RAB6A: variants seen among roughly 807,000 people sequenced by gnomAD.
The protein encoded by RAB6A is RAB6A, member RAS oncogene family, also known as ras-related protein Rab-6A.
Under a neutral mutation model 32.3 loss-of-function variants are expected in RAB6A, and 8 were observed. The ratio of observed to expected loss-of-function variants is 0.25; its 90% CI spans 0.15 to 0.45. The LOEUF (loss-of-function observed/expected upper bound fraction) is 0.45. RAB6A is among the 20% of genes least tolerant of loss of function. RAB6A has a pLI of 1.00. For missense variants in RAB6A, 104 were observed against 249.4 expected, an observed-to-expected ratio of 0.42 and a Z score of 3.93; for synonymous variants, 73 against 82.1, an observed-to-expected ratio of 0.89 and a Z score of 0.60.
intron 5 of RAB6A, among the ~76,000 whole-genome samples, chr11:73,712,890 A>G (rs185507373): frequency 1.4e-5 from 2 of 146,872 alleles, no homozygotes; most frequent in Admixed American, 6.8e-5. Context: ...GCTAATTTTT[A>G]TATTTTTAGT....
At chr11:73,746,230 G>T (rs1004569583) in intron 1 of RAB6A, among the ~76,000 whole-genome samples, 2 of 151,948 alleles carry the variant, frequency 1.3e-5, no homozygotes, top group Non-Finnish European at 2.9e-5. Flanking sequence ...CTAATTTATA[G>T]TAAGAAATAA....
At chr11:73,681,958 T>G (rs1326721984) in intron 6 of RAB6A, among the ~76,000 whole-genome samples, 3 of 152,182 alleles carry the variant, frequency 2.0e-5, no homozygotes, top group Non-Finnish European at 4.4e-5. Flanking sequence ...TTTTTAGAGA[T>G]GTACCAAAAT....
At chr11:73,687,126 A>T (rs1015234031) in intron 6 of RAB6A, among the ~76,000 whole-genome samples, 3 of 152,166 alleles carry the variant, frequency 2.0e-5, no homozygotes, top group Non-Finnish European at 4.4e-5. Flanking sequence ...AGTCACACAC[A>T]AAGGAACAAA....
At chr11:73,738,687 G>A (rs984687948) in intron 1 of RAB6A, among the ~76,000 whole-genome samples, 1 of 151,888 alleles carries the variant, frequency 6.6e-6, no homozygotes. Flanking sequence ...ATTGAGGCCA[G>A]GAGCGGTCGC....
At chr11:73,732,825 T>TC (rs1259276334) in intron 1 of RAB6A, among the ~76,000 whole-genome samples, 1 of 151,172 alleles carries the variant, frequency 6.6e-6, no homozygotes, top group Admixed American at 6.6e-5. Context: ...TTCTTTTTTT[T>TC]CCCCCGAGAC....
Position 73,679,710 on chromosome 11 carries a change from C to T in RAB6A, c.506G>A (p.Arg169His), listed in dbSNP as rs748239779. 1.1e-5 allele frequency: 17 copies of T among 1,598,056 alleles called. No individual in the cohort carries two copies. Among genetic ancestry groups the T allele is most frequent in the Non-Finnish European group, 1.4e-5 (16 of 1,172,492 alleles). Residue 169 changes from arginine (R) to histidine (H), a missense_variant, in exon 7 of 8, where the codon CGT (arginine) becomes CAT (histidine). By Grantham distance (29) the Arg-to-His change is conservative. Transcript: ENST00000336083. ...CATTCCCGGCAAAGCTGCTGCTACACGTCGAAAGAGCTGTGGGAAAGAGAG... is the reference window on the plus strand; with the variant it reads ...CATTCCCGGCAAAGCTGCTGCTACATGTCGAAAGAGCTGTGGGAAAGAGAG... ...AGYNVKQLFR[R>H]VAAALPGMES... is the part of the protein sequence containing the mutation.
At chr11:73,716,596 T>C (rs1289619044) in intron 4 of RAB6A, among the ~76,000 whole-genome samples, 5 of 152,186 alleles carry the variant, frequency 3.3e-5, no homozygotes, top group Admixed American at 2.6e-4. Flanking sequence ...TAAAAATTTT[T>C]TGAACATGAT....
chr11:73,698,884 C>T (rs1268095062), intron 6 of RAB6A, among the ~76,000 whole-genome samples: 2 of 123,546 alleles, frequency 1.6e-5, no homozygotes, highest in East Asian at 4.9e-4. Context: ...TGGAGTCTTG[C>T]TCTGTCGCCC....
chr11:73,702,311 C>A (rs1945758251), intron 6 of RAB6A, among the ~76,000 whole-genome samples: 1 of 152,120 alleles, frequency 6.6e-6, no homozygotes, highest in African/African-American at 2.4e-5. Context: ...CAGGTGCATG[C>A]CACCATGCTC....
intron 7 of RAB6A, 149 bp downstream of exon 7, chr11:73,679,505 T>C (rs1945319742): frequency 1.9e-5 from 18 of 950,510 alleles, no homozygotes; most frequent in African/African-American, 1.7e-5. Context: ...CAGACCTCAT[T>C]TGCTATAGAA....
intron 1 of RAB6A, among the ~76,000 whole-genome samples, chr11:73,759,370 C>T (rs994048270): frequency 6.6e-6 from 1 of 151,690 alleles, no homozygotes; most frequent in African/African-American, 2.4e-5. Context: ...TAGATACAAC[C>T]ATCACAAAAT....
At chr11:73,685,016 A>G (rs12420357) in intron 6 of RAB6A, among the ~76,000 whole-genome samples, 73,436 of 152,076 alleles carry the variant, frequency 0.48, 19,103 homozygotes, top group East Asian at 0.6. Flanking sequence ...TACAAATCAC[A>G]TAGTGAAATT....
chr11:73,730,836 G>GA lies in RAB6A; in HGVS notation c.71-14dup, dbSNP rs746901475. 3 of 1,588,484 alleles carry GA rather than the reference G, an allele frequency of 1.9e-6. No individual in the cohort carries two copies. The highest frequency in any genetic ancestry group is 2.6e-6 in the Non-Finnish European group (3 of 1,172,242). ...GATGTCTTTCCAACTGAAATGAAACGAAAAAAAGATTTGCTCAGTGAACAC... is the reference window on the plus strand; with the variant it reads ...GATGTCTTTCCAACTGAAATGAAACGAAAAAAAAGATTTGCTCAGTGAACAC... On this transcript the variant is annotated splice_polypyrimidine_tract_variant and intron_variant, in intron 1 of 7. Transcript: ENST00000336083.
In RAB6A at chr11:73,723,281, T is replaced by TG. The variant is rs4019418; in HGVS notation, c.130-2383dup. Among the ~76,000 whole-genome samples the TG allele has an allele frequency of 7.4e-3, 1,119 of 151,426 alleles. 12 individuals carry two copies. Among genetic ancestry groups the TG allele is most frequent in the African/African-American group, 0.026 (1,057 of 41,218 alleles). ...ATTGAACTCTATTCCTTCCAAATAC[T>TG]GGGGGGGAAAAAAAGAAAGATTTAT... On this transcript the variant is annotated intron_variant, in intron 2 of 7. Transcript: ENST00000336083.
chr11:73,760,459 C>G (rs2135029130), intron 1 of RAB6A, 107 bp downstream of exon 1: 1 of 1,410,980 alleles, frequency 7.1e-7, no homozygotes, highest in South Asian at 1.4e-5. Context: ...TGGCAACGAG[C>G]GCGGACGCGA....
chr11:73,733,559 A>T (rs951829450), intron 1 of RAB6A, among the ~76,000 whole-genome samples: 26 of 140,372 alleles, frequency 1.9e-4, no homozygotes, highest in African/African-American at 6.2e-4. Context: ...TCAAAAAAAA[A>T]AAAATAAATA....
Position 73,760,976 on chromosome 11 carries a change from G to C in RAB6A, c.-341C>G, listed in dbSNP as rs1321581730. ...CCCAGACCTGGGGAAGAGAAGCTGA[G>C]GGTGGCGGAGCCGGAACCGCAGACG... is the stretch of plus-strand genomic sequence containing the variant. On this transcript the variant is annotated 5_prime_UTR_variant, in exon 1 of 8. Coordinates refer to ENST00000336083, the MANE Select transcript of RAB6A (RefSeq NM_198896.2). 4.3e-5 allele frequency: 11 copies of C among 258,220 alleles called. No homozygotes were observed. 16.0% of individuals were successfully genotyped at this position (258,220 alleles called of 1,614,324 possible). A position where few individuals can be genotyped will look rare whatever the true frequency, so the allele number is the denominator to read the frequency against.
At chr11:73,685,164 T>TCTGTTCC (rs1402839597) in intron 6 of RAB6A, among the ~76,000 whole-genome samples, 8 of 152,226 alleles carry the variant, frequency 5.3e-5, no homozygotes, top group Admixed American at 4.6e-4. Flanking sequence ...TCTTCGTTCC[T>TCTGTTCC]CTGTTCCCTG....
At chr11:73,736,977 C>CAAAAAAAAAAA (rs535172648) in intron 1 of RAB6A, among the ~76,000 whole-genome samples, 2 of 64,906 alleles carry the variant, frequency 3.1e-5, no homozygotes, top group South Asian at 6.2e-4. Flanking sequence ...GACACTGTCT[C>CAAAAAAAAAAA]AAAAAAAAAA....
Sources: gnomAD v4.1 joint callset for allele counts (sites outside exome capture counted in the v4.1 genomes callset) on GRCh38, gnomAD v4.1.1 for gene constraint, MANE v1.5 for transcripts, NCBI Gene and HGNC (gene_info 2026-07-23, HGNC 2026-07-21) for gene names.